AGBL4: variants seen among roughly 807,000 people sequenced by gnomAD.
AGBL4 encodes the protein AGBL carboxypeptidase 4, also known as cytosolic carboxypeptidase 6.
AGBL4 carries 58 observed loss-of-function variants against 66.4 expected under a neutral mutation model. That is an observed-to-expected ratio of 0.87 (90% CI 0.71 to 1.09). The LOEUF (loss-of-function observed/expected upper bound fraction) is 1.09, where lower values mean the gene tolerates loss of function less well. AGBL4 is among the 50% of genes least tolerant of loss of function. The pLI is 0.00. For synonymous variants in AGBL4, 234 were observed against 222.9 expected, an observed-to-expected ratio of 1.05 and a Z score of -0.44; for missense variants, 579 against 631.0, an observed-to-expected ratio of 0.92 and a Z score of 0.88.
At position 48,592,129 on chromosome 1, in the gene AGBL4, A is replaced by G. The variant is rs1356565580; in HGVS notation, c.952-1144T>C. Among the ~76,000 whole-genome samples, 3 of 152,168 alleles carry G rather than the reference A, an allele frequency of 2.0e-5. No individual in the cohort carries two copies. In the East Asian group the frequency reaches 5.8e-4, roughly 29 times the overall value. ...TTTCTGAGAATAAGGGAAGACTCGC[A>G]TGGGGAGGGGACTTGACCAAGCTCA... On this transcript the variant is annotated intron_variant, in intron 9 of 13. Coordinates refer to ENST00000371839, the MANE Select transcript of AGBL4 (RefSeq NM_032785.4).
At chr1:49,089,712 T>C (rs1024714138) in intron 4 of AGBL4, among the ~76,000 whole-genome samples, 4 of 151,926 alleles carry the variant, frequency 2.6e-5, no homozygotes, top group Non-Finnish European at 5.9e-5. Context: ...TCCAAAAAAT[T>C]GGGGAGGAAG....
chr1:49,648,708 A>T (rs1402679286), intron 3 of AGBL4, among the ~76,000 whole-genome samples: 8 of 152,070 alleles, frequency 5.3e-5, no homozygotes, highest in African/African-American at 1.7e-4. Flanking sequence ...ACAACGGAGT[A>T]AAATATTGAA....
At chr1:49,985,124 C>T (rs541233624) in intron 1 of AGBL4, among the ~76,000 whole-genome samples, 35 of 152,190 alleles carry the variant, frequency 2.3e-4, no homozygotes, top group East Asian at 5.8e-4. Flanking sequence ...GTTTATAGTA[C>T]GAATAATCTT....
At chr1:49,203,521 T>G (rs1051673577) in intron 4 of AGBL4, among the ~76,000 whole-genome samples, 3 of 152,156 alleles carry the variant, frequency 2.0e-5, no homozygotes, top group African/African-American at 7.2e-5. Flanking sequence ...CAAAAAGACA[T>G]ATACTGGATG....
chr1:49,769,543 A>G (rs1643992848), intron 2 of AGBL4, among the ~76,000 whole-genome samples: 1 of 152,180 alleles, frequency 6.6e-6, no homozygotes, highest in African/African-American at 2.4e-5. Flanking sequence ...GCCAGGGCAG[A>G]ACATTACCTG....
intron 4 of AGBL4, among the ~76,000 whole-genome samples, chr1:49,079,671 T>C (rs1424705982): frequency 2.6e-5 from 4 of 152,208 alleles, no homozygotes; most frequent in African/African-American, 9.6e-5. Flanking sequence ...GGGCTTACTC[T>C]GAAATCCTAA....
At chr1:49,742,826 T>C (rs896676439) in intron 2 of AGBL4, among the ~76,000 whole-genome samples, 5 of 152,068 alleles carry the variant, frequency 3.3e-5, no homozygotes, top group African/African-American at 1.2e-4. Flanking sequence ...TAATAAATGG[T>C]GCTGGGAAAA....
intron 2 of AGBL4, among the ~76,000 whole-genome samples, chr1:49,809,116 C>T (rs1237687685): frequency 6.6e-6 from 1 of 152,050 alleles, no homozygotes; most frequent in Non-Finnish European, 1.5e-5. Flanking sequence ...AATCGGTTTT[C>T]AACTACACAG....
At chr1:49,547,825 G>T (rs1215152659) in intron 3 of AGBL4, among the ~76,000 whole-genome samples, 1 of 151,418 alleles carries the variant, frequency 6.6e-6, no homozygotes, top group African/African-American at 2.4e-5. Flanking sequence ...CCAGGCTGGA[G>T]TGCAGTGCCA....
intron 2 of AGBL4, among the ~76,000 whole-genome samples, chr1:49,826,940 T>C (rs970149166): frequency 6.6e-6 from 1 of 152,066 alleles, no homozygotes; most frequent in African/African-American, 2.4e-5. Context: ...AGAAAGTAAG[T>C]TTGGGTACAG....
At chr1:48,729,259 G>A (rs1180790605) in intron 6 of AGBL4, among the ~76,000 whole-genome samples, 6 of 152,164 alleles carry the variant, frequency 3.9e-5, no homozygotes, top group Non-Finnish European at 7.3e-5. Context: ...TGGCACAGTG[G>A]CAAACTTAAG....
chr1:49,745,741 T>C (rs1230937370), intron 2 of AGBL4, among the ~76,000 whole-genome samples: 2 of 151,400 alleles, frequency 1.3e-5, no homozygotes, highest in African/African-American at 4.8e-5. Context: ...CCAAAATATA[T>C]CACACAAAAA....
At chr1:49,720,488 T>C (rs1273657759) in intron 2 of AGBL4, among the ~76,000 whole-genome samples, 2 of 152,210 alleles carry the variant, frequency 1.3e-5, no homozygotes, top group Non-Finnish European at 2.9e-5. Flanking sequence ...ACTTGCTACA[T>C]AGCAGCTATT....
intron 3 of AGBL4, among the ~76,000 whole-genome samples, chr1:49,486,874 G>T (rs922929845): frequency 2.0e-5 from 3 of 151,848 alleles, no homozygotes; most frequent in African/African-American, 4.8e-5. Flanking sequence ...AGAGCAAAAG[G>T]TTAGTATGAA....
intron 3 of AGBL4, among the ~76,000 whole-genome samples, chr1:49,618,216 G>A (rs1056688640): frequency 1.3e-5 from 2 of 152,058 alleles, no homozygotes; most frequent in Non-Finnish European, 2.9e-5. Context: ...AGTATTCCAC[G>A]GTATACCTGT....
At chr1:49,533,753 T>G (rs975683414) in intron 3 of AGBL4, among the ~76,000 whole-genome samples, 9 of 152,150 alleles carry the variant, frequency 5.9e-5, no homozygotes, top group Non-Finnish European at 1.2e-4. Flanking sequence ...AGCCCATATT[T>G]GCCCGCTTCA....
rs138876156 is a variant in AGBL4 at position 49,575,618 on chromosome 1, T to C, written c.282+121695A>G. ...ACAGATGGATATTGGAAAATGACAG[T>C]GGATTATTATAAGCTTAACCAAGTG... On this transcript the variant is annotated intron_variant, in intron 3 of 13. Coordinates refer to ENST00000371839, the MANE Select transcript of AGBL4 (RefSeq NM_032785.4). 4.3e-3 allele frequency among the ~76,000 whole-genome samples: 657 copies of C among 152,326 alleles called. 6 individuals are homozygous for C. Among genetic ancestry groups the C allele is most frequent in the African/African-American group, 0.015 (614 of 41,584 alleles).
At chr1:49,401,721 C>T (rs771679328) in intron 3 of AGBL4, among the ~76,000 whole-genome samples, 2 of 152,030 alleles carry the variant, frequency 1.3e-5, no homozygotes, top group East Asian at 3.9e-4. Flanking sequence ...ATTATTCCCT[C>T]CTCTATTTTT....
At chr1:49,030,363 C>G (rs1037331150) in intron 5 of AGBL4, among the ~76,000 whole-genome samples, 3 of 152,132 alleles carry the variant, frequency 2.0e-5, no homozygotes, top group Non-Finnish European at 4.4e-5. Flanking sequence ...TCAACAGACA[C>G]TGGATCTGCC....
Sources: gnomAD v4.1 joint callset for allele counts (sites outside exome capture counted in the v4.1 genomes callset) on GRCh38, gnomAD v4.1.1 for gene constraint, MANE v1.5 for transcripts, NCBI Gene and HGNC (gene_info 2026-07-23, HGNC 2026-07-21) for gene names.